AUH: variants seen among roughly 807,000 people sequenced by gnomAD.
The protein encoded by AUH is methylglutaconyl-CoA hydratase, mitochondrial.
AUH carries 29 observed loss-of-function variants against 42.3 expected under a neutral mutation model. The ratio of observed to expected loss-of-function variants is 0.69; its 90% CI spans 0.51 to 0.93. AUH has a LOEUF of 0.93. AUH is among the 40% of genes least tolerant of loss of function. The probability of loss-of-function intolerance (pLI) is 0.00; values close to 1 mark genes in which losing one functional copy is unlikely to be tolerated. For synonymous variants in AUH, 174 were observed against 166.4 expected (o/e 1.05, Z -0.35); for missense variants, 452 against 438.1 (o/e 1.03, Z -0.28).
chr9:91,317,438 C>T (rs1829242734), intron 4 of AUH, among the ~76,000 whole-genome samples: 1 of 152,138 alleles, frequency 6.6e-6, no homozygotes, highest in African/African-American at 2.4e-5. Context: ...TTCCTACTTT[C>T]CAGGGTATCC....
chr9:91,280,549 C>T (rs1825882064), intron 6 of AUH, among the ~76,000 whole-genome samples: 1 of 152,118 alleles, frequency 6.6e-6, no homozygotes, highest in African/African-American at 2.4e-5. Flanking sequence ...GATTCCATTA[C>T]TTACATAATT....
At chr9:91,339,757 C>T (rs1037985752) in intron 3 of AUH, among the ~76,000 whole-genome samples, 12 of 152,152 alleles carry the variant, frequency 7.9e-5, no homozygotes, top group Non-Finnish European at 1.5e-5. Context: ...GATCCCCTCC[C>T]TCAAAATATA....
chr9:91,220,037 C>T (rs989554242), intron 7 of AUH, among the ~76,000 whole-genome samples: 3 of 152,226 alleles, frequency 2.0e-5, no homozygotes, highest in Non-Finnish European at 1.5e-5. Flanking sequence ...AAGAAGATCA[C>T]TACTGCTTAC....
intron 6 of AUH, among the ~76,000 whole-genome samples, chr9:91,247,775 C>A (rs1480331200): frequency 6.6e-6 from 1 of 152,162 alleles, no homozygotes; most frequent in East Asian, 1.9e-4. Context: ...TGATGTAGAG[C>A]ATCTTTTTAT....
At chr9:91,295,911 C>T (rs1409962946) in intron 6 of AUH, 110 bp downstream of exon 6, 1 of 1,215,280 alleles carries the variant, frequency 8.2e-7, no homozygotes, top group Non-Finnish European at 1.2e-6. Context: ...AACAATATGC[C>T]ATTGTCTCTT....
rs1047272393 is a variant in AUH at position 91,320,304 on chromosome 9, T to C, written c.505+5014A>G. Among the ~76,000 whole-genome samples, 6 of 152,222 alleles carry C rather than the reference T, an allele frequency of 3.9e-5. No individual in the cohort carries two copies. In the South Asian group the frequency reaches 1.2e-3, roughly 32 times the overall value. On this transcript the variant is annotated intron_variant, in intron 4 of 9. Coordinates refer to ENST00000375731, the MANE Select transcript of AUH (RefSeq NM_001698.3). ...TAAATACGGCCTTAGAAAGACTCTG[T>C]ACTTCTATACTTGTGGATGAACTGC...
chr9:91,220,125 T>A lies in AUH; in HGVS notation c.843+680A>T, dbSNP rs192437459. ...TCAGACCAAAGGCATATTTGAAAAA[T>A]ATATCTGAACGGGTGACAAAAAGAA... is the stretch of plus-strand genomic sequence containing the variant. On this transcript the variant is annotated intron_variant, in intron 7 of 9. Coordinates refer to ENST00000375731, the MANE Select transcript of AUH (RefSeq NM_001698.3). 2.6e-5 allele frequency among the ~76,000 whole-genome samples: 4 copies of A among 152,278 alleles called. No individual in the cohort carries two copies. The East Asian group carries it at 7.7e-4, about 29-fold the overall frequency.
chr9:91,280,196 T>C (rs1015850772), intron 6 of AUH, among the ~76,000 whole-genome samples: 21 of 152,198 alleles, frequency 1.4e-4, no homozygotes, highest in African/African-American at 5.1e-4. Context: ...CAGAACTAAT[T>C]TAACTTCCTT....
intron 6 of AUH, among the ~76,000 whole-genome samples, chr9:91,259,665 C>G (rs774541873): frequency 6.6e-5 from 10 of 152,080 alleles, no homozygotes; most frequent in African/African-American, 2.4e-4. Context: ...TCAAATTGCT[C>G]TTGTGATTTC....
At chr9:91,289,107 C>T (rs1044771184) in intron 6 of AUH, among the ~76,000 whole-genome samples, 7 of 152,082 alleles carry the variant, frequency 4.6e-5, no homozygotes, top group Non-Finnish European at 5.9e-5. Flanking sequence ...ATCAAATGTA[C>T]AGTAAATTCA....
intron 3 of AUH, among the ~76,000 whole-genome samples, chr9:91,340,424 CT>C (rs1343493604): frequency 6.6e-6 from 1 of 152,062 alleles, no homozygotes; most frequent in Non-Finnish European, 1.5e-5. Context: ...ATCATGTTGC[CT>C]TTTTCTTTAG....
chr9:91,276,788 T>C (rs1475367781), intron 6 of AUH, among the ~76,000 whole-genome samples: 3 of 152,182 alleles, frequency 2.0e-5, no homozygotes, highest in Admixed American at 6.5e-5. Context: ...CAATAGCTTA[T>C]AGAACATAGA....
intron 4 of AUH, among the ~76,000 whole-genome samples, chr9:91,312,649 G>C (rs548703127): frequency 1.3e-5 from 2 of 152,220 alleles, no homozygotes; most frequent in African/African-American, 4.8e-5. Flanking sequence ...TTACTTGAAC[G>C]CAAGAGGTGG....
chr9:91,355,832 G>A (rs375935396), intron 3 of AUH, 51 bp downstream of exon 3: 2 of 1,497,630 alleles, frequency 1.3e-6, no homozygotes, highest in Non-Finnish European at 1.9e-6. Context: ...GATTACTATT[G>A]AGGAAAAATC....
chr9:91,316,649 T>C (rs1238942785), intron 4 of AUH, among the ~76,000 whole-genome samples: 1 of 152,200 alleles, frequency 6.6e-6, no homozygotes, highest in African/African-American at 2.4e-5. Flanking sequence ...CTGACCATCT[T>C]TTCCTATGTC....
chr9:91,257,386 G>T (rs1047177792), intron 6 of AUH, among the ~76,000 whole-genome samples: 1 of 151,622 alleles, frequency 6.6e-6, no homozygotes, highest in Non-Finnish European at 1.5e-5. Flanking sequence ...GAAACCATAG[G>T]AGAGCCAGCA....
chr9:91,334,776 T>C (rs1036766774), intron 3 of AUH, among the ~76,000 whole-genome samples: 1 of 152,252 alleles, frequency 6.6e-6, no homozygotes, highest in East Asian at 1.9e-4. Flanking sequence ...TAGGGGGTTA[T>C]TACGCAGTGA....
chr9:91,285,968 T>C (rs1332834127), intron 6 of AUH, among the ~76,000 whole-genome samples: 3 of 152,188 alleles, frequency 2.0e-5, no homozygotes, highest in South Asian at 2.1e-4. Context: ...GTCAACATTA[T>C]GTAAGCCTCT....
At chr9:91,272,125 G>T (rs1284356618) in intron 6 of AUH, among the ~76,000 whole-genome samples, 1 of 152,200 alleles carries the variant, frequency 6.6e-6, no homozygotes. Context: ...TATTCTAAAA[G>T]CTGGTGCTCC....
Sources: allele counts gnomAD v4.1 joint callset (sites outside exome capture counted in the v4.1 genomes callset), GRCh38; gene constraint gnomAD v4.1.1; transcripts MANE v1.5; gene names NCBI Gene and HGNC (gene_info 2026-07-23, HGNC 2026-07-21).